Variants in ANKRD11 observed in about 807,000 individuals in gnomAD.
ANKRD11 encodes ankyrin repeat domain 11.
A neutral mutation model predicts 195.7 loss-of-function variants in ANKRD11; 17 were observed. The ratio of observed to expected loss-of-function variants is 0.09; its 90% CI spans 0.06 to 0.13. The LOEUF (loss-of-function observed/expected upper bound fraction) is 0.13, where lower values mean the gene tolerates loss of function less well. ANKRD11 is among the 10% of genes least tolerant of loss of function. The pLI is 1.00. For missense variants in ANKRD11, 3,735 were observed against 3,566.1 expected, an observed-to-expected ratio of 1.05 and a Z score of -1.21; for synonymous variants, 1,953 against 1,528.1, an observed-to-expected ratio of 1.28 and a Z score of -6.49.
chr16:89,381,037 G>T (rs2040621632), intron 2 of ANKRD11, among the ~76,000 whole-genome samples: 1 of 152,210 alleles, frequency 6.6e-6, no homozygotes, highest in African/African-American at 2.4e-5. Context: ...GGGATGAGAA[G>T]GGCGGCTGGG....
intron 2 of ANKRD11, among the ~76,000 whole-genome samples, chr16:89,387,736 C>A (rs1427352351): frequency 6.8e-6 from 1 of 147,350 alleles, no homozygotes; most frequent in African/African-American, 2.5e-5. Context: ...GGCACGGTAG[C>A]TTGCGCCTGT....
chr16:89,490,096 G>C (rs1275510145), intron 1 of ANKRD11, 149 bp downstream of exon 1: 2 of 118,598 alleles, frequency 1.7e-5, no homozygotes, highest in African/African-American at 3.1e-5. Context: ...GGCCCCCAAA[G>C]ACCCCCGCCC....
At chr16:89,416,740 G>C (rs1401084104) in intron 2 of ANKRD11, among the ~76,000 whole-genome samples, 1 of 145,010 alleles carries the variant, frequency 6.9e-6, no homozygotes, top group Admixed American at 6.9e-5. Flanking sequence ...GACAGGCCTG[G>C]ACAACGTAAC....
At chr16:89,463,812 G>GTCA (rs2056786667) in intron 1 of ANKRD11, among the ~76,000 whole-genome samples, 1 of 151,692 alleles carries the variant, frequency 6.6e-6, no homozygotes, top group African/African-American at 2.4e-5. Flanking sequence ...GCAATAGACT[G>GTCA]TTAAGTTTAA....
At position 89,369,472 on chromosome 16, in the gene ANKRD11, C is replaced by T. The variant is rs114017791; in HGVS notation, c.-60+48812G>A. On this transcript the variant is annotated intron_variant, in intron 2 of 12. Transcript: ENST00000301030. ...AAGCTCTGCCGCAGCATGGGTGCGC[C>T]GCAACAGCACAAAGCTCTGCCGTAT... Among the ~76,000 whole-genome samples the T allele has an allele frequency of 1.4e-3, 220 of 152,334 alleles. 2 individuals carry two copies. The highest frequency in any genetic ancestry group is 5.2e-3 in the African/African-American group (215 of 41,562).
At chr16:89,269,175 G>C (rs1375411631) in intron 12 of ANKRD11, among the ~76,000 whole-genome samples, 1 of 152,126 alleles carries the variant, frequency 6.6e-6, no homozygotes. Flanking sequence ...ACCGTGTAGA[G>C]AATCTTTTTT....
chr16:89,415,851 C>CAAAAAAAAAAAA (rs1567774240), intron 2 of ANKRD11, among the ~76,000 whole-genome samples: 1 of 77,116 alleles, frequency 1.3e-5, no homozygotes, highest in African/African-American at 5.3e-5. Flanking sequence ...AAAAAAAAAA[C>CAAAAAAAAAAAA]AATGGAGAAC....
intron 1 of ANKRD11, among the ~76,000 whole-genome samples, chr16:89,441,767 CAAAAAA>C (rs57747159): frequency 3.7e-3 from 194 of 52,342 alleles, no homozygotes; most frequent in South Asian, 5.2e-3. Context: ...ACTCCGCCTA[CAAAAAA>C]AAAAAAAAAA....
At chr16:89,305,817 G>A (rs1196081688) in intron 3 of ANKRD11, among the ~76,000 whole-genome samples, 4 of 111,598 alleles carry the variant, frequency 3.6e-5, no homozygotes, top group Middle Eastern at 6.7e-3. Flanking sequence ...GCAGACATGC[G>A]CCACTTACCT....
At chr16:89,348,346 T>C (rs892741746) in intron 2 of ANKRD11, among the ~76,000 whole-genome samples, 2 of 152,224 alleles carry the variant, frequency 1.3e-5, no homozygotes, top group East Asian at 3.8e-4. Context: ...TTTGAACTTC[T>C]GAGATAAACC....
intron 1 of ANKRD11, among the ~76,000 whole-genome samples, chr16:89,436,577 A>C (rs1415451883): frequency 6.6e-6 from 1 of 152,214 alleles, no homozygotes; most frequent in Non-Finnish European, 1.5e-5. Context: ...CTGTTCCGCA[A>C]GAGCAGGACT....
chr16:89,279,406 G>C lies in ANKRD11; in HGVS notation c.7136C>G (p.Ala2379Gly), dbSNP rs940623226. ...AKARGSEDDDAQAQHPRKRRF... is the reference protein window; with the variant it reads ...AKARGSEDDDGQAQHPRKRRF... Reference sequence around the variant, plus strand: ...GCGTTTGCGCGGATGCTGGGCCTGGGCGTCGTCGTCCTCGGAGCCGCGGGC... The same window carrying C: ...GCGTTTGCGCGGATGCTGGGCCTGGCCGTCGTCGTCCTCGGAGCCGCGGGC... Residue 2379 changes from alanine (A) to glycine (G), a missense_variant, in exon 9 of 13, where the codon GCC becomes GGC. Coordinates refer to ENST00000301030, the MANE Select transcript of ANKRD11 (RefSeq NM_013275.6). This position sits in a 1 kb window ranked among gnomAD's most constrained non-coding sequence, Gnocchi z 5.6. 23 of 1,543,160 alleles carry C rather than the reference G, an allele frequency of 1.5e-5. No homozygotes were observed. Among genetic ancestry groups the C allele is most frequent in the African/African-American group, 2.7e-5 (2 of 72,948 alleles).
At chr16:89,489,473 A>C (rs1209734665) in intron 1 of ANKRD11, among the ~76,000 whole-genome samples, 2 of 129,494 alleles carry the variant, frequency 1.5e-5, no homozygotes, top group African/African-American at 5.8e-5. Flanking sequence ...TCCTCGGCCT[A>C]CGCGCGCCTC....
At chr16:89,333,469 A>G (rs977040520) in intron 2 of ANKRD11, among the ~76,000 whole-genome samples, 7 of 152,310 alleles carry the variant, frequency 4.6e-5, no homozygotes, top group South Asian at 4.1e-4. Context: ...TTGTGGTATC[A>G]TACAGAGTAG....
rs1555526636 is a variant in ANKRD11, at chr16:89,280,891, G to C, written c.5651C>G (p.Ser1884Ter). The change falls in exon 9 of 13, where the codon TCA becomes TGA. Residue 1884 changes from serine to a stop codon, truncating the protein, a stop_gained. Coordinates refer to ENST00000301030, the MANE Select transcript of ANKRD11 (RefSeq NM_013275.6). LOFTEE classifies it high-confidence loss of function. ...AGGGGAAGGTTTTGCTTGTAAACTT[G>C]AGAAGACGCCCTCTGGAGACGGGGT... is the stretch of plus-strand genomic sequence containing the variant. The part of the protein sequence containing the change: ...TVTPSPEGVF[S>*]SLQAKPSPSP... 6.2e-7 allele frequency: 1 copy of C among 1,604,246 alleles called. No homozygotes were observed. Among genetic ancestry groups the C allele is most frequent in the South Asian group, 1.1e-5 (1 of 90,536 alleles).
chr16:89,271,818 C>G (rs2033181861), intron 11 of ANKRD11: 1 of 152,066 alleles, frequency 6.6e-6, no homozygotes, highest in Admixed American at 6.6e-5. Context: ...GGGAAAATCT[C>G]CAGGACATTG....
At chr16:89,489,366 G>GCCGCCA (rs750240960) in intron 1 of ANKRD11, among the ~76,000 whole-genome samples, 79 of 151,692 alleles carry the variant, frequency 5.2e-4, no homozygotes, top group Non-Finnish European at 1.1e-3. Context: ...TGCTGTTGCA[G>GCCGCCA]CCGCCACCGC....
chr16:89,403,280 T>C (rs2041776431), intron 2 of ANKRD11, among the ~76,000 whole-genome samples: 1 of 152,122 alleles, frequency 6.6e-6, no homozygotes, highest in Non-Finnish European at 1.5e-5. Flanking sequence ...GCCACGCACA[T>C]GTTGTGAGCA....
At chr16:89,405,553 C>G (rs1324499665) in intron 2 of ANKRD11, among the ~76,000 whole-genome samples, 2 of 146,974 alleles carry the variant, frequency 1.4e-5, no homozygotes, top group Non-Finnish European at 3.0e-5. Context: ...GGGCTGGTCT[C>G]GAACTCCTGG....
Sources: allele counts gnomAD v4.1 joint callset (sites outside exome capture counted in the v4.1 genomes callset), GRCh38; gene constraint gnomAD v4.1.1; non-coding constraint Gnocchi (gnomAD v3.1); transcripts MANE v1.5; gene names NCBI Gene and HGNC (gene_info 2026-07-23, HGNC 2026-07-21).